The following USP47 variants were observed in gnomAD, a reference collection of about 807,000 sequenced individuals.
USP47 encodes ubiquitin specific peptidase 47, also known as ubiquitin carboxyl-terminal hydrolase 47.
USP47 carries 35 observed loss-of-function variants against 165.1 expected under a neutral mutation model. That is an observed-to-expected ratio of 0.21 (90% CI 0.16 to 0.28). The LOEUF is 0.28. Ranked by LOEUF, USP47 falls within the 10% of genes least tolerant of loss-of-function variation. The pLI is 1.00. For missense variants in USP47, 1,277 were observed against 1,607.4 expected (o/e 0.79, Z 3.52); for synonymous variants, 531 against 544.5 (o/e 0.98, Z 0.35).
At position 11,933,868 on chromosome 11, in the gene USP47, T is replaced by C. The variant is rs1487992580; in HGVS notation, c.1802T>C (p.Met601Thr). 2 of 1,609,818 alleles carry C rather than the reference T, an allele frequency of 1.2e-6. No homozygotes were observed. The highest frequency in any genetic ancestry group is 2.2e-5 in the East Asian group (1 of 44,630). The change falls in exon 16 of 28, where the codon ATG (methionine) becomes ACG (threonine). Residue 601 changes from methionine to threonine, a missense_variant. Physicochemically the swap from Met to Thr is moderately conservative, Grantham distance 81 (BLOSUM62 -1). Around this residue, in one of 4 missense-constraint regions of USP47, gnomAD observed 909 missense variants for 1,068.1 expected, o/e 0.85. Coordinates refer to ENST00000527733, the MANE Select transcript of USP47 (RefSeq NM_001282659.2). ...TGTTTGCATCCTACAAAACAAGTAA[T>C]GATGGAAAATAAATTGGAGGTTCAT... Reference protein sequence around the residue: ...LFCLHPTKQVMMENKLEVHKD... With the variant: ...LFCLHPTKQVTMENKLEVHKD...
In USP47 at chr11:11,942,918, A is replaced by T. The variant is rs1260457084; in HGVS notation, c.2897A>T (p.Asp966Val). 6.2e-7 allele frequency: 1 copy of T among 1,613,590 alleles called. No homozygotes were observed. Among genetic ancestry groups the T allele is most frequent in the Admixed American group, 1.7e-5 (1 of 59,924 alleles). The change falls in exon 20 of 28, where the codon GAC becomes GTC. Residue 966 changes from aspartate to valine, a missense_variant. Around this residue, in one of 4 missense-constraint regions of USP47, gnomAD observed 909 missense variants for 1,068.1 expected, o/e 0.85. Coordinates refer to ENST00000527733, the MANE Select transcript of USP47 (RefSeq NM_001282659.2). ...CAGATCCCTTTGGCTAATGGACTTG[A>T]CTCTCACAGTATCACAAGTAGTAGA... ...NAQIPLANGL[D>V]SHSITSSRRT...
intron 11 of USP47, among the ~76,000 whole-genome samples, chr11:11,923,367 T>C (rs1212010526): frequency 2.0e-5 from 3 of 152,010 alleles, no homozygotes; most frequent in South Asian, 4.1e-4. Flanking sequence ...AGATCTGATC[T>C]TTCTGAGTAG....
intron 1 of USP47, among the ~76,000 whole-genome samples, chr11:11,857,954 C>T (rs552439079): frequency 6.6e-6 from 1 of 151,586 alleles, no homozygotes; most frequent in African/African-American, 2.4e-5. Flanking sequence ...CAGATGTTTG[C>T]ATAGGAGAGT....
At chr11:11,875,074 TG>T (rs869113447) in intron 1 of USP47, among the ~76,000 whole-genome samples, 9,546 of 100,332 alleles carry the variant, frequency 0.095, 525 homozygotes, top group East Asian at 0.36. Flanking sequence ...TGTGTGTGTG[TG>T]TGTGTGTTTA....
intron 1 of USP47, among the ~76,000 whole-genome samples, chr11:11,875,471 A>T (rs145164494): frequency 1.8e-4 from 27 of 152,338 alleles, no homozygotes; most frequent in African/African-American, 6.0e-4. Flanking sequence ...GCGGGCTCTA[A>T]AATGTCTTAG....
intron 4 of USP47, among the ~76,000 whole-genome samples, chr11:11,893,142 G>T (rs774522304): frequency 6.1e-4 from 92 of 152,034 alleles, no homozygotes; most frequent in Non-Finnish European, 1.1e-3. Context: ...TTATGCAAAG[G>T]TTTATTTACA....
At chr11:11,852,611 T>G (rs113793205) in intron 1 of USP47, among the ~76,000 whole-genome samples, 17 of 152,180 alleles carry the variant, frequency 1.1e-4, no homozygotes, top group African/African-American at 3.9e-4. Context: ...TAGGTGTCTT[T>G]GCTTTCTTCT....
intron 8 of USP47, among the ~76,000 whole-genome samples, chr11:11,914,748 G>A (rs1032394365): frequency 6.6e-6 from 1 of 152,054 alleles, no homozygotes; most frequent in African/African-American, 2.4e-5. Flanking sequence ...GTCAAATACA[G>A]AAAAGATACT....
At chr11:11,895,234 A>G (rs940841600) in intron 4 of USP47, among the ~76,000 whole-genome samples, 2 of 152,164 alleles carry the variant, frequency 1.3e-5, no homozygotes, top group African/African-American at 4.8e-5. Flanking sequence ...AGTCTTTGCT[A>G]TACATTGCCA....
chr11:11,855,142 A>T (rs1848964192), intron 1 of USP47, among the ~76,000 whole-genome samples: 1 of 152,168 alleles, frequency 6.6e-6, no homozygotes. Context: ...AACAAAGTGA[A>T]AGTATTAAAA....
intron 1 of USP47, among the ~76,000 whole-genome samples, chr11:11,877,204 C>CA (rs1172702191): frequency 6.6e-6 from 1 of 150,578 alleles, no homozygotes; most frequent in Admixed American, 6.6e-5. Flanking sequence ...ATTGCAACAA[C>CA]AAAAAAATTG....
At chr11:11,920,533 A>T in intron 10 of USP47, 39 bp downstream of exon 10, 1 of 1,557,714 alleles carries the variant, frequency 6.4e-7, no homozygotes, top group Non-Finnish European at 8.7e-7. Context: ...TCATTAATCC[A>T]CATTAGTCAG....
At chr11:11,928,671 A>G (rs1231074561) in intron 11 of USP47, among the ~76,000 whole-genome samples, 1 of 152,002 alleles carries the variant, frequency 6.6e-6, no homozygotes, top group Non-Finnish European at 1.5e-5. Context: ...ACTGGTTTGC[A>G]GAGTCTCTAG....
chr11:11,908,400 A>G (rs1852724989), intron 8 of USP47, among the ~76,000 whole-genome samples: 1 of 152,010 alleles, frequency 6.6e-6, no homozygotes, highest in South Asian at 2.1e-4. Flanking sequence ...CAGCCTCTCA[A>G]AGTGCTGGGA....
At chr11:11,943,265 T>C in intron 20 of USP47, 153 bp downstream of exon 20, 1 of 761,000 alleles carries the variant, frequency 1.3e-6, no homozygotes, top group Non-Finnish European at 2.0e-6. Flanking sequence ...ATGAACACTG[T>C]TCTTAGACCT....
At chr11:11,933,461 T>C (rs529958179) in intron 15 of USP47, among the ~76,000 whole-genome samples, 1 of 152,114 alleles carries the variant, frequency 6.6e-6, no homozygotes, top group Non-Finnish European at 1.5e-5. Flanking sequence ...ATTTCTCTTA[T>C]GGAATTACCT....
Position 11,842,229 on chromosome 11 carries a change from G to A in USP47, c.39+5G>A. 2 of 1,552,794 alleles carry A rather than the reference G, an allele frequency of 1.3e-6. No homozygotes were observed. The highest frequency in any genetic ancestry group is 1.7e-6 in the Non-Finnish European group (2 of 1,147,342). ...AACCAACTGGTCCCGAAAGAGGTGA[G>A]GGGCCCCAGAGGAGGTTAGGCCTTA... On this transcript the variant is annotated splice_donor_5th_base_variant and intron_variant, in intron 1 of 27. Coordinates refer to ENST00000527733, the MANE Select transcript of USP47 (RefSeq NM_001282659.2).
chr11:11,848,017 A>G (rs1023755970), intron 1 of USP47, among the ~76,000 whole-genome samples: 1 of 152,248 alleles, frequency 6.6e-6, no homozygotes, highest in African/African-American at 2.4e-5. Flanking sequence ...ATGCTAAGTA[A>G]CTTGCTCAAA....
In USP47 at chr11:11,933,954, T is replaced by C. The variant is rs750699072; in HGVS notation, c.1869+19T>C. The stretch of plus-strand genomic sequence containing the variant: ...TTATAAGGTATGTTTAATTGCATCA[T>C]TGGCATTTACTTACTAATACAACAG... On this transcript the variant is annotated intron_variant, in intron 16 of 27. Transcript: ENST00000527733. The C allele has an allele frequency of 2.6e-6, 4 of 1,545,064 alleles. No homozygotes were observed. The highest frequency in any genetic ancestry group is 2.7e-6 in the Non-Finnish European group (3 of 1,121,574).
Sources: gnomAD v4.1 joint callset for allele counts (sites outside exome capture counted in the v4.1 genomes callset) on GRCh38, gnomAD v4.1.1 for gene constraint, gnomAD v4.1.1 regional missense constraint, MANE v1.5 for transcripts, NCBI Gene and HGNC (gene_info 2026-07-23, HGNC 2026-07-21) for gene names.